SNX31: variants seen among roughly 807,000 people sequenced by gnomAD.
SNX31 encodes the protein sorting nexin-31.
In SNX31, 58 loss-of-function variants were observed where a neutral mutation model predicts 65.4. The observed-to-expected ratio is 0.89, with a 90% CI of 0.72 to 1.10. The LOEUF (loss-of-function observed/expected upper bound fraction) is 1.10. SNX31 is among the 50% of genes least tolerant of loss of function. The pLI is 0.00. For missense variants in SNX31, 523 were observed against 529.7 expected (o/e 0.99, Z 0.12); for synonymous variants, 181 against 190.1 (o/e 0.95, Z 0.39).
intron 4 of SNX31, among the ~76,000 whole-genome samples, chr8:100,628,489 G>A (rs1028728792): frequency 2.0e-5 from 3 of 148,188 alleles, no homozygotes; most frequent in Non-Finnish European, 4.4e-5. Flanking sequence ...CTATCGCAAG[G>A]ACAAAAAAAC....
At chr8:100,641,469 T>G (rs1819171544) in intron 2 of SNX31, among the ~76,000 whole-genome samples, 1 of 141,174 alleles carries the variant, frequency 7.1e-6, no homozygotes, top group Admixed American at 7.4e-5. Context: ...AGCTGGAGAC[T>G]TCAAGGCTAA....
intron 4 of SNX31, among the ~76,000 whole-genome samples, chr8:100,627,411 A>G (rs1818114982): frequency 6.6e-6 from 1 of 152,222 alleles, no homozygotes; most frequent in South Asian, 2.1e-4. Context: ...ACATTGAATG[A>G]TCCCATGAAT....
chr8:100,663,242 C>T (rs1183437329), exon 1 of SNX31: 1 of 151,262 alleles, frequency 6.6e-6, no homozygotes, highest in East Asian at 1.9e-4. Context: ...CGCAGATACC[C>T]CCCCCAATCC....
Position 100,609,381 on chromosome 8 carries a change from A to T in SNX31, c.612-818T>A, listed in dbSNP as rs1358058394. Among the ~76,000 whole-genome samples, 1 of 151,806 alleles carries T rather than the reference A, an allele frequency of 6.6e-6. No homozygotes were observed. The highest frequency in any genetic ancestry group is 1.5e-5 in the Non-Finnish European group (1 of 67,970). ...GCACCCTGAGTTTATTCCAATTGCC[A>T]CTCTGATTAAGTTTTCTTGACACCA... On this transcript the variant is annotated intron_variant, in intron 7 of 13. Coordinates refer to ENST00000311812, the MANE Select transcript of SNX31 (RefSeq NM_152628.4). This position sits in a 1 kb window ranked among gnomAD's most constrained non-coding sequence, Gnocchi z 4.9.
intron 13 of SNX31, among the ~76,000 whole-genome samples, chr8:100,574,630 T>TAAAAA (rs34042673): frequency 3.0e-4 from 39 of 132,072 alleles, no homozygotes; most frequent in African/African-American, 1.0e-3. Context: ...AGACTCCGTC[T>TAAAAA]AAAAAAAAAA....
rs1812765760 is a variant in SNX31 at position 100,572,961 on chromosome 8, T to C, written c.*904A>G. On this transcript the variant is annotated 3_prime_UTR_variant, in exon 14 of 14. Transcript: ENST00000311812. The stretch of plus-strand genomic sequence containing the variant: ...AGTTAGAACATTAGAATATTGTACT[T>C]TTTCTAATTACACTATACAGATTCC... 6.6e-6 allele frequency: 1 copy of C among 152,554 alleles called. No homozygotes were observed. The highest frequency in any genetic ancestry group is 1.5e-5 in the Non-Finnish European group (1 of 68,036). 9.5% of individuals were successfully genotyped at this position (152,554 alleles called of 1,614,324 possible).
chr8:100,583,919 AG>A (rs1319602335), intron 12 of SNX31, among the ~76,000 whole-genome samples, 191 bp downstream of exon 12: 1 of 152,230 alleles, frequency 6.6e-6, no homozygotes, highest in Non-Finnish European at 1.5e-5. Flanking sequence ...TTCTAAAGAC[AG>A]GCTTCCTTCT....
At chr8:100,579,512 A>G (rs568630171) in intron 12 of SNX31, among the ~76,000 whole-genome samples, 2 of 152,330 alleles carry the variant, frequency 1.3e-5, no homozygotes, top group East Asian at 3.9e-4. Context: ...CCTGACTGCC[A>G]TACACAGTTT....
chr8:100,633,221 G>A (rs2131198296), intron 3 of SNX31, among the ~76,000 whole-genome samples: 1 of 152,086 alleles, frequency 6.6e-6, no homozygotes, highest in East Asian at 1.9e-4. Context: ...GAGCTACCAT[G>A]CCGAGCCTAA....
rs371948246 is a variant in SNX31 at position 100,576,036 on chromosome 8, G to C, written c.1227+983C>G. The stretch of plus-strand genomic sequence containing the variant: ...GAAGTGCAGTATCAGAGTCCCTAAT[G>C]AAGTTAGGTTTTGGATCTGCCTAAT... On this transcript the variant is annotated intron_variant, in intron 13 of 13. Transcript: ENST00000311812. This position sits in a 1 kb window ranked among gnomAD's most constrained non-coding sequence, Gnocchi z 4.8. 5.9e-5 allele frequency among the ~76,000 whole-genome samples: 9 copies of C among 152,290 alleles called. No homozygotes were observed. The East Asian group carries it at 1.2e-3, about 20-fold the overall frequency.
At chr8:100,636,045 G>A in intron 2 of SNX31, 34 bp from the exon 3 acceptor site, 6 of 1,516,902 alleles carry the variant, frequency 4.0e-6, no homozygotes, top group South Asian at 1.1e-5. Context: ...TAAGGCAGGT[G>A]AGCCGCCAGT....
In SNX31 at chr8:100,597,748, T is replaced by C. The variant is rs552959332; in HGVS notation, c.775-906A>G. On this transcript the variant is annotated intron_variant, in intron 9 of 13. Transcript: ENST00000311812. ...CCAGGGAAGACTTTTAAAATTTAGC[T>C]TTTCCCTCTGCTTCTGAAGTAACCT... Among the ~76,000 whole-genome samples the C allele has an allele frequency of 5.1e-4, 78 of 152,340 alleles. 1 individual carries two copies. Among genetic ancestry groups the C allele is most frequent in the African/African-American group, 1.8e-3 (76 of 41,572 alleles).
chr8:100,630,504 C>T lies in SNX31; in HGVS notation c.257-113G>A, dbSNP rs573424525. On this transcript the variant is annotated intron_variant, in intron 3 of 13. Transcript: ENST00000311812. This position sits in a 1 kb window ranked among gnomAD's most constrained non-coding sequence, Gnocchi z 5.3. ...GCCTTGCCAGTGCTCTGTCTCCTCC[C>T]TGAAGTGATAAATGTTGAAACCTCT... The T allele has an allele frequency of 4.4e-5, 36 of 823,372 alleles. 1 individual carries two copies. In the South Asian group the frequency reaches 6.7e-4, roughly 15 times the overall value. 51.0% of individuals were successfully genotyped at this position (823,372 alleles called of 1,614,324 possible). A position where few individuals can be genotyped will look rare whatever the true frequency, so the allele number is the denominator to read the frequency against.
chr8:100,657,135 A>G (rs529291587), intron 1 of SNX31, among the ~76,000 whole-genome samples: 1 of 152,280 alleles, frequency 6.6e-6, no homozygotes, highest in East Asian at 1.9e-4. Flanking sequence ...ACAAGACTTG[A>G]ATTAATCAGG....
chr8:100,586,766 G>C (rs1042950204), intron 11 of SNX31, among the ~76,000 whole-genome samples: 2 of 152,190 alleles, frequency 1.3e-5, no homozygotes, highest in Admixed American at 6.5e-5. Context: ...AGAGTCAAAA[G>C]GGGCCTTGGT....
chr8:100,645,725 C>T (rs1383979719), intron 2 of SNX31, among the ~76,000 whole-genome samples: 1 of 151,498 alleles, frequency 6.6e-6, no homozygotes, highest in African/African-American at 2.4e-5. Flanking sequence ...GATCCTCCCA[C>T]CTCAGGCTCC....
At chr8:100,641,565 A>AAAAAAAAAAAAAAAAATAATATAG (rs1554587369) in intron 2 of SNX31, among the ~76,000 whole-genome samples, 1 of 32,108 alleles carries the variant, frequency 3.1e-5, no homozygotes, top group Non-Finnish European at 5.3e-5. Context: ...AAAAAAAAAA[A>AAAAAAAAAAAAAAAAATAATATAG]ATATATATAT....
intron 9 of SNX31, among the ~76,000 whole-genome samples, chr8:100,599,803 T>C (rs1815449738): frequency 6.6e-6 from 1 of 152,190 alleles, no homozygotes; most frequent in African/African-American, 2.4e-5. Flanking sequence ...GGTAACACCT[T>C]TACGGAAACT....
chr8:100,621,030 G>C lies in SNX31; in HGVS notation c.322-3300C>G, dbSNP rs1028548570. On this transcript the variant is annotated intron_variant, in intron 4 of 13. Transcript: ENST00000311812. Reference sequence around the variant, plus strand: ...ATGGTGGTGGATACCTGTAATCCCAGCTACTTGAGAGGCTGAGTCAGGAGA... The same window carrying C: ...ATGGTGGTGGATACCTGTAATCCCACCTACTTGAGAGGCTGAGTCAGGAGA... Among the ~76,000 whole-genome samples the C allele has an allele frequency of 2.6e-5, 4 of 152,194 alleles. No individual in the cohort carries two copies. The East Asian group carries it at 5.8e-4, about 22-fold the overall frequency.
Sources: gnomAD v4.1 joint callset for allele counts (sites outside exome capture counted in the v4.1 genomes callset) on GRCh38, gnomAD v4.1.1 for gene constraint, Gnocchi (gnomAD v3.1) non-coding constraint, MANE v1.5 for transcripts, NCBI Gene and HGNC (gene_info 2026-07-23, HGNC 2026-07-21) for gene names.